XKR9: variants seen among roughly 807,000 people sequenced by gnomAD.
XKR9 encodes the protein XK-related protein 9.
XKR9 carries 32 observed loss-of-function variants against 32.0 expected under a neutral mutation model. The observed-to-expected ratio is 1.00, with a 90% CI of 0.76 to 1.34. The LOEUF (loss-of-function observed/expected upper bound fraction) is 1.34. XKR9 is among the 40% of genes most tolerant of loss of function. The pLI is 0.00. For synonymous variants in XKR9, 168 were observed against 143.4 expected (o/e 1.17, Z -1.22); for missense variants, 546 against 429.7 (o/e 1.27, Z -2.39).
the XKR9 span, among the ~76,000 whole-genome samples, chr8:70,813,654 A>G: frequency 1.3e-5 from 2 of 152,226 alleles, no homozygotes; most frequent in Non-Finnish European, 2.9e-5. Context: ...CACTTCTTCA[A>G]AAGAAGATAT....
the XKR9 span, among the ~76,000 whole-genome samples, chr8:70,866,601 AT>A: frequency 2.3e-3 from 338 of 146,484 alleles, no homozygotes; most frequent in Admixed American, 3.7e-3. Context: ...AACTAATGGA[AT>A]TTTTTTTTTT....
the XKR9 span, among the ~76,000 whole-genome samples, chr8:70,857,303 T>G: frequency 6.6e-6 from 1 of 152,040 alleles, no homozygotes; most frequent in Non-Finnish European, 1.5e-5. Context: ...TCACCACTGA[T>G]CCCACAGAAA....
chr8:70,758,672 A>C (rs1563470935), intron 2 of XKR9, among the ~76,000 whole-genome samples: 1 of 152,244 alleles, frequency 6.6e-6, no homozygotes, highest in Non-Finnish European at 1.5e-5. Flanking sequence ...GTCGTTCACA[A>C]ATAACACCTG....
the XKR9 span, among the ~76,000 whole-genome samples, chr8:71,012,683 T>A: frequency 6.6e-6 from 1 of 152,266 alleles, no homozygotes; most frequent in East Asian, 1.9e-4. Flanking sequence ...TTTTTTCTCA[T>A]CTAGTCCTCA....
At chr8:70,980,190 G>C in the XKR9 span, among the ~76,000 whole-genome samples, 3 of 152,346 alleles carry the variant, frequency 2.0e-5, no homozygotes, top group Admixed American at 6.5e-5. Context: ...GCTGGGAAAG[G>C]GAAATCCCCT....
At chr8:70,872,118 A>G in the XKR9 span, among the ~76,000 whole-genome samples, 4 of 152,236 alleles carry the variant, frequency 2.6e-5, no homozygotes, top group Non-Finnish European at 5.9e-5. Context: ...TCCATGTTCT[A>G]GTTCTAGTTC....
At chr8:70,805,735 C>T in the XKR9 span, among the ~76,000 whole-genome samples, 2 of 152,170 alleles carry the variant, frequency 1.3e-5, no homozygotes, top group South Asian at 2.1e-4. Flanking sequence ...CAGAGGCTCC[C>T]GGACAGAACC....
chr8:70,850,663 A>G, the XKR9 span, among the ~76,000 whole-genome samples: 1 of 152,186 alleles, frequency 6.6e-6, no homozygotes. Context: ...AATCCATTAC[A>G]TAAACAGAAT....
At chr8:70,970,323 T>A in the XKR9 span, among the ~76,000 whole-genome samples, 4 of 152,234 alleles carry the variant, frequency 2.6e-5, no homozygotes, top group African/African-American at 9.6e-5. Context: ...TGTAGGATTT[T>A]TTATTATTAT....
At chr8:70,977,349 T>A in the XKR9 span, among the ~76,000 whole-genome samples, 15,433 of 152,256 alleles carry the variant, frequency 0.1, 862 homozygotes, top group Middle Eastern at 0.14. Context: ...TGATTTTAGA[T>A]CTTTCCTGTT....
intron 2 of XKR9, among the ~76,000 whole-genome samples, chr8:70,761,755 A>G (rs1354441145): frequency 6.6e-6 from 1 of 151,970 alleles, no homozygotes; most frequent in Non-Finnish European, 1.5e-5. Context: ...CATCTTTGTC[A>G]TGAAATCTTT....
the XKR9 span, among the ~76,000 whole-genome samples, chr8:70,820,119 G>T: frequency 2.4e-4 from 36 of 152,184 alleles, no homozygotes; most frequent in African/African-American, 8.4e-4. Flanking sequence ...TCCTGAAGCA[G>T]GTCATAAGAC....
the XKR9 span, among the ~76,000 whole-genome samples, chr8:71,046,693 T>C: frequency 6.6e-6 from 1 of 152,196 alleles, no homozygotes; most frequent in Non-Finnish European, 1.5e-5. Context: ...ATGCATCCCA[T>C]TGTGGGTAGG....
chr8:71,020,952 T>A, the XKR9 span, among the ~76,000 whole-genome samples: 1 of 152,162 alleles, frequency 6.6e-6, no homozygotes, highest in Admixed American at 6.5e-5. Flanking sequence ...GAAAAGAGAT[T>A]TATTTATCTT....
At chr8:70,910,941 C>T in the XKR9 span, among the ~76,000 whole-genome samples, 1 of 152,228 alleles carries the variant, frequency 6.6e-6, no homozygotes, top group Non-Finnish European at 1.5e-5. Flanking sequence ...ATCCCCTTCA[C>T]CCATCTTCAA....
At chr8:70,949,217 A>C in the XKR9 span, among the ~76,000 whole-genome samples, 1 of 152,278 alleles carries the variant, frequency 6.6e-6, no homozygotes, top group African/African-American at 2.4e-5. Context: ...ATGTATTTTC[A>C]TGCAAGTAGT....
chr8:70,965,864 T>G, the XKR9 span, among the ~76,000 whole-genome samples: 2 of 152,018 alleles, frequency 1.3e-5, no homozygotes, highest in African/African-American at 4.8e-5. Flanking sequence ...AGCTCTGATC[T>G]TGGTTATTTC....
the XKR9 span, among the ~76,000 whole-genome samples, chr8:70,931,213 C>G: frequency 6.6e-6 from 1 of 151,192 alleles, no homozygotes; most frequent in Non-Finnish European, 1.5e-5. Flanking sequence ...CTATAATCTA[C>G]AATGCTCATG....
At chr8:71,046,352 T>G in the XKR9 span, among the ~76,000 whole-genome samples, 2 of 152,162 alleles carry the variant, frequency 1.3e-5, no homozygotes, top group Admixed American at 6.5e-5. Flanking sequence ...GAGATTCCCC[T>G]TTGTGTGGAC....
Sources: gnomAD v4.1 joint callset for allele counts (sites outside exome capture counted in the v4.1 genomes callset) on GRCh38, gnomAD v4.1.1 for gene constraint, MANE v1.5 for transcripts, NCBI Gene and HGNC (gene_info 2026-07-23, HGNC 2026-07-21) for gene names.